The following SEMA3C variants were observed in gnomAD, a reference collection of about 807,000 sequenced individuals.
SEMA3C encodes semaphorin-3C.
Under a neutral mutation model 89.4 loss-of-function variants are expected in SEMA3C, and 47 were observed. That is an observed-to-expected ratio of 0.53 (90% CI 0.42 to 0.67). SEMA3C has a LOEUF of 0.67. Among genes scored for constraint, SEMA3C ranks in the 30% least tolerant of loss-of-function variants. SEMA3C has a pLI of 0.00. For synonymous variants in SEMA3C, 310 were observed against 320.2 expected, an observed-to-expected ratio of 0.97 and a Z score of 0.34; for missense variants, 839 against 929.1, an observed-to-expected ratio of 0.90 and a Z score of 1.26.
chr7:80,822,473 G>C (rs1789776124), intron 4 of SEMA3C, among the ~76,000 whole-genome samples: 1 of 152,040 alleles, frequency 6.6e-6, no homozygotes, highest in Non-Finnish European at 1.5e-5. Flanking sequence ...TTTACTTGGG[G>C]ACTAGTGCCT....
rs183584190 is a variant in SEMA3C at position 80,908,747 on chromosome 7, A to G, written c.103+7932T>C. Among the ~76,000 whole-genome samples, 109 of 152,252 alleles carry G rather than the reference A, an allele frequency of 7.2e-4. 1 individual carries two copies. Among genetic ancestry groups the G allele is most frequent in the African/African-American group, 2.4e-3 (98 of 41,560 alleles). On this transcript the variant is annotated intron_variant, in intron 2 of 17. Coordinates refer to ENST00000265361, the MANE Select transcript of SEMA3C (RefSeq NM_006379.5). ...GCTGTCAGAAAAATGGGAGGGAGACAGGGCTCAAATTCACAAGTCACCAGA... is the reference window on the plus strand; with the variant it reads ...GCTGTCAGAAAAATGGGAGGGAGACGGGGCTCAAATTCACAAGTCACCAGA...
At position 80,917,949 on chromosome 7, in the gene SEMA3C, C is replaced by T. The variant is rs79695727; in HGVS notation, c.-39+879G>A. 7.0e-3 allele frequency among the ~76,000 whole-genome samples: 1,062 copies of T among 152,192 alleles called. 8 individuals are homozygous for T. Among genetic ancestry groups the T allele is most frequent in the Non-Finnish European group, 0.011 (732 of 67,982 alleles). ...ATTAAATGGAATATGCAATTTTAAACAAAAATTGTAAGTAGATTTCCTAGG... is the reference window on the plus strand; with the variant it reads ...ATTAAATGGAATATGCAATTTTAAATAAAAATTGTAAGTAGATTTCCTAGG... On this transcript the variant is annotated intron_variant, in intron 1 of 17. Transcript: ENST00000265361.
chr7:80,754,947 G>GTTT (rs1031680674), intron 15 of SEMA3C, among the ~76,000 whole-genome samples: 2 of 13,130 alleles, frequency 1.5e-4, no homozygotes, highest in South Asian at 5.9e-3. Context: ...CTGGCGAATT[G>GTTT]TTTTTTTTTG....
chr7:80,795,536 A>G (rs927844930), intron 11 of SEMA3C, among the ~76,000 whole-genome samples: 1 of 152,332 alleles, frequency 6.6e-6, no homozygotes, highest in East Asian at 1.9e-4. Context: ...GCTTTGGAAC[A>G]GGAAACAAAT....
In SEMA3C at chr7:80,852,899, C is replaced by T. The variant is rs186674534; in HGVS notation, c.104-24154G>A. Among the ~76,000 whole-genome samples the T allele has an allele frequency of 3.7e-3, 566 of 152,048 alleles. 4 individuals carry two copies. Among genetic ancestry groups the T allele is most frequent in the African/African-American group, 0.013 (532 of 41,466 alleles). ...TTCACCATGTTAGCCAGGATGGTCT[C>T]GATCTCCTGACCTCGTGATCCGCCC... On this transcript the variant is annotated intron_variant, in intron 2 of 17. Transcript: ENST00000265361.
chr7:80,758,212 G>T, intron 15 of SEMA3C, 119 bp downstream of exon 15: 1 of 1,108,666 alleles, frequency 9.0e-7, no homozygotes, highest in Non-Finnish European at 1.3e-6. Context: ...GTTAAACATA[G>T]CTTCTACCTT....
rs889662173 is a variant in SEMA3C at position 80,901,008 on chromosome 7, T to C, written c.103+15671A>G. Among the ~76,000 whole-genome samples the C allele has an allele frequency of 2.0e-5, 3 of 152,350 alleles. 1 individual carries two copies. The highest frequency in any genetic ancestry group is 7.2e-5 in the African/African-American group (3 of 41,586). ...AATATTGTGCCATAACACCTCATTT[T>C]GTACATTGCACTAAACAGTTCTGGC... On this transcript the variant is annotated intron_variant, in intron 2 of 17. Transcript: ENST00000265361.
At chr7:80,776,724 C>A (rs1788557415) in intron 12 of SEMA3C, among the ~76,000 whole-genome samples, 1 of 152,100 alleles carries the variant, frequency 6.6e-6, no homozygotes, top group African/African-American at 2.4e-5. Context: ...AATATATTTT[C>A]TTGTTTTTGC....
intron 2 of SEMA3C, among the ~76,000 whole-genome samples, chr7:80,837,879 T>C (rs1339453684): frequency 1.3e-5 from 2 of 152,120 alleles, no homozygotes; most frequent in East Asian, 3.9e-4. Flanking sequence ...ATGTCCTGGA[T>C]TGTGGGGTAG....
At chr7:80,872,004 T>A (rs1222278793) in intron 2 of SEMA3C, among the ~76,000 whole-genome samples, 1 of 152,008 alleles carries the variant, frequency 6.6e-6, no homozygotes, top group Non-Finnish European at 1.5e-5. Context: ...CTTCCCTGTC[T>A]AGAGACCTTT....
chr7:80,755,029 A>C lies in SEMA3C; in HGVS notation c.1643+3302T>G, dbSNP rs924444348. On this transcript the variant is annotated intron_variant, in intron 15 of 17. Coordinates refer to ENST00000265361, the MANE Select transcript of SEMA3C (RefSeq NM_006379.5). ...TGGCTAGGCTGGTCTTAAACTCCTG[A>C]CCTCAAGTGATCTGCCTGCTTCGGC... Among the ~76,000 whole-genome samples the C allele has an allele frequency of 4.9e-5, 7 of 143,942 alleles. No individual in the cohort carries two copies. The Admixed American group carries it at 5.1e-4, about 10-fold the overall frequency. The allele number at this position is 143,942 out of a possible 152,430, so 94.4% of individuals were successfully genotyped here. A position where few individuals can be genotyped will look rare whatever the true frequency, so the allele number is the denominator to read the frequency against.
intron 2 of SEMA3C, among the ~76,000 whole-genome samples, chr7:80,852,480 A>T (rs1270596028): frequency 2.0e-5 from 3 of 152,190 alleles, no homozygotes; most frequent in Non-Finnish European, 4.4e-5. Context: ...CAAAAACGGG[A>T]TCATCTCAAG....
intron 2 of SEMA3C, among the ~76,000 whole-genome samples, chr7:80,858,886 T>C (rs10954380): frequency 0.091 from 13,829 of 152,186 alleles, 935 homozygotes; most frequent in African/African-American, 0.18. Context: ...GAACCCAAGA[T>C]GTGTAGAACA....
intron 2 of SEMA3C, among the ~76,000 whole-genome samples, chr7:80,904,402 G>T (rs1475693572): frequency 6.6e-6 from 1 of 152,084 alleles, no homozygotes; most frequent in Non-Finnish European, 1.5e-5. Flanking sequence ...AAAATACAAA[G>T]GATATAGAAA....
intron 2 of SEMA3C, among the ~76,000 whole-genome samples, chr7:80,863,096 T>C (rs189030737): frequency 6.6e-6 from 1 of 152,200 alleles, no homozygotes; most frequent in Non-Finnish European, 1.5e-5. Flanking sequence ...TGGGACTTAA[T>C]TAAGCTAAAG....
Position 80,916,685 on chromosome 7 carries a change from A to G in SEMA3C, c.97T>C (p.Phe33Leu), listed in dbSNP as rs146763598. 9.3e-6 allele frequency: 15 copies of G among 1,610,744 alleles called. No homozygotes were observed. The African/African-American group carries it at 2.0e-4, about 22-fold the overall frequency. Residue 33 changes from phenylalanine (F) to leucine (L), a missense_variant, in exon 2 of 18, where the codon TTT (phenylalanine) becomes CTT (leucine). By Grantham distance (22) the Phe-to-Leu change is conservative. Coordinates refer to ENST00000265361, the MANE Select transcript of SEMA3C (RefSeq NM_006379.5). ...TGTTTATCAACTCTCTTACCATCAA[A>G]TGTTAAATAAACTCTTGCTTGGGGC... Reference protein sequence around the residue: ...SQPQARVYLTFDELRETKTSE... With the variant: ...SQPQARVYLTLDELRETKTSE...
chr7:80,868,009 C>T (rs994389458), intron 2 of SEMA3C, among the ~76,000 whole-genome samples: 4 of 152,100 alleles, frequency 2.6e-5, no homozygotes, highest in Non-Finnish European at 5.9e-5. Context: ...TAAAAGAAAA[C>T]CAGATGACTT....
At chr7:80,834,966 C>A (rs1224196505) in intron 2 of SEMA3C, among the ~76,000 whole-genome samples, 2 of 151,784 alleles carry the variant, frequency 1.3e-5, no homozygotes, top group Non-Finnish European at 2.9e-5. Context: ...GAATATTTCT[C>A]ATCAGTGGTT....
Position 80,866,504 on chromosome 7 carries a change from T to TA in SEMA3C, c.104-37760dup, listed in dbSNP as rs1285153438. ...GGGCAAAAAATAAATAAATAAAAAA[T>TA]AAAAAAAAGAAGTAATGTGTCACTT... On this transcript the variant is annotated intron_variant, in intron 2 of 17. Coordinates refer to ENST00000265361, the MANE Select transcript of SEMA3C (RefSeq NM_006379.5). Among the ~76,000 whole-genome samples the TA allele has an allele frequency of 3.3e-5, 5 of 151,746 alleles. No individual in the cohort carries two copies. In the East Asian group the frequency reaches 5.8e-4, roughly 18 times the overall value.
Sources: gnomAD v4.1 joint callset for allele counts (sites outside exome capture counted in the v4.1 genomes callset) on GRCh38, gnomAD v4.1.1 for gene constraint, MANE v1.5 for transcripts, NCBI Gene and HGNC (gene_info 2026-07-23, HGNC 2026-07-21) for gene names.